Variants in KLF12 observed in about 807,000 individuals in gnomAD.
The protein encoded by KLF12 is KLF transcription factor 12.
KLF12 carries 9 observed loss-of-function variants against 37.8 expected under a neutral mutation model. That is an observed-to-expected ratio of 0.24 (90% confidence interval 0.14 to 0.42). The LOEUF is 0.42. KLF12 is among the 10% of genes least tolerant of loss of function. KLF12 has a pLI of 1.00. For missense variants in KLF12, 411 were observed against 516.0 expected (o/e 0.80, Z 1.97); for synonymous variants, 208 against 202.1 (o/e 1.03, Z -0.25).
chr13:74,175,084 A>G, the KLF12 span, among the ~76,000 whole-genome samples: 1 of 152,210 alleles, frequency 6.6e-6, no homozygotes, highest in South Asian at 2.1e-4. Flanking sequence ...TGCCACCAGT[A>G]CTGCTTTGGG....
At chr13:73,908,401 C>CA (rs200413877) in intron 3 of KLF12, among the ~76,000 whole-genome samples, 1,950 of 129,246 alleles carry the variant, frequency 0.015, 57 homozygotes, top group African/African-American at 0.052. Flanking sequence ...GACTCTGTCT[C>CA]AAAAAAAAAA....
intron 1 of KLF12, among the ~76,000 whole-genome samples, chr13:74,072,737 A>G (rs1235032524): frequency 6.6e-6 from 1 of 152,172 alleles, no homozygotes; most frequent in Non-Finnish European, 1.5e-5. Flanking sequence ...ACATACATAC[A>G]TACAAAAAAT....
intron 3 of KLF12, among the ~76,000 whole-genome samples, chr13:73,924,527 T>C (rs1235733907): frequency 6.6e-6 from 1 of 152,124 alleles, no homozygotes; most frequent in East Asian, 1.9e-4. Context: ...AATGTGTGTG[T>C]TTTGACTGCC....
chr13:73,788,431 C>T (rs1222654116), intron 5 of KLF12, among the ~76,000 whole-genome samples: 1 of 152,006 alleles, frequency 6.6e-6, no homozygotes, highest in African/African-American at 2.4e-5. Flanking sequence ...AAATGATGGC[C>T]TATAGAAAAC....
intron 1 of KLF12, among the ~76,000 whole-genome samples, chr13:74,091,781 A>T (rs926889586): frequency 2.0e-5 from 3 of 152,154 alleles, no homozygotes; most frequent in Non-Finnish European, 4.4e-5. Flanking sequence ...ATGAAAAGCC[A>T]ACACCAAGAG....
chr13:73,947,678 A>G (rs1566477044), intron 2 of KLF12, among the ~76,000 whole-genome samples: 1 of 147,996 alleles, frequency 6.8e-6, no homozygotes, highest in Non-Finnish European at 1.5e-5. Flanking sequence ...AGAGTTGGCA[A>G]CACAGTAGTC....
At chr13:73,717,585 C>G (rs375950984) in intron 6 of KLF12, among the ~76,000 whole-genome samples, 4 of 152,182 alleles carry the variant, frequency 2.6e-5, no homozygotes, top group African/African-American at 9.7e-5. Context: ...TAGGTAAGGT[C>G]AAATATAAAC....
intron 2 of KLF12, among the ~76,000 whole-genome samples, chr13:73,980,459 C>T (rs1389081167): frequency 1.3e-5 from 2 of 152,084 alleles, no homozygotes; most frequent in Non-Finnish European, 1.5e-5. Flanking sequence ...TATTACTAAA[C>T]ATATCCCAGT....
the KLF12 span, among the ~76,000 whole-genome samples, chr13:74,233,987 A>G: frequency 6.6e-6 from 1 of 152,204 alleles, no homozygotes. Flanking sequence ...CAAGTTCTAT[A>G]TGAAGAAAAC....
chr13:73,790,695 C>T (rs1023519428), intron 5 of KLF12, among the ~76,000 whole-genome samples: 3 of 152,204 alleles, frequency 2.0e-5, no homozygotes, highest in South Asian at 2.1e-4. Context: ...GTACCAATTT[C>T]GCTAAGAAAC....
At chr13:73,919,108 C>A (rs1435577832) in intron 3 of KLF12, among the ~76,000 whole-genome samples, 1 of 152,180 alleles carries the variant, frequency 6.6e-6, no homozygotes, top group Non-Finnish European at 1.5e-5. Context: ...CCCAGGAGCA[C>A]TGTCCACATC....
intron 3 of KLF12, among the ~76,000 whole-genome samples, chr13:73,854,567 C>T (rs1324593089): frequency 6.6e-6 from 1 of 152,184 alleles, no homozygotes. Context: ...ATTAGCAAAA[C>T]AATGGCTTTG....
At chr13:74,299,413 C>T in the KLF12 span, among the ~76,000 whole-genome samples, 13 of 152,120 alleles carry the variant, frequency 8.5e-5, no homozygotes, top group African/African-American at 2.9e-4. Context: ...TATTTGCTTA[C>T]TTCATAAATT....
chr13:74,092,516 T>C (rs1347078849), intron 1 of KLF12, among the ~76,000 whole-genome samples: 4 of 150,256 alleles, frequency 2.7e-5, no homozygotes, highest in African/African-American at 9.8e-5. Flanking sequence ...CCCAACTACT[T>C]GGGAGGCTGA....
In KLF12 at chr13:73,687,936, G is replaced by A. The variant is rs1298213209; in HGVS notation, c.*7554C>T. On this transcript the variant is annotated 3_prime_UTR_variant, in exon 8 of 8. Transcript: ENST00000377669. ...CAACTCACTTCAAGTTGTGGTTTTT[G>A]TTGTGGAGAAATTATTGCTTGTGAA... 1 of 152,170 alleles carries A rather than the reference G, an allele frequency of 6.6e-6. No individual in the cohort carries two copies. The highest frequency in any genetic ancestry group is 1.5e-5 in the Non-Finnish European group (1 of 68,034). The allele number at this position is 152,170 out of a possible 1,614,324, so 9.4% of individuals were successfully genotyped here.
At chr13:74,077,521 C>CA (rs1491432670) in intron 1 of KLF12, among the ~76,000 whole-genome samples, 3 of 151,970 alleles carry the variant, frequency 2.0e-5, no homozygotes, top group Non-Finnish European at 1.5e-5. Context: ...GTGAATCACT[C>CA]AGAGTGATGC....
At chr13:74,200,487 G>A in the KLF12 span, among the ~76,000 whole-genome samples, 1 of 152,050 alleles carries the variant, frequency 6.6e-6, no homozygotes, top group Non-Finnish European at 1.5e-5. Context: ...ATTTCGTCTT[G>A]GAAATTTTGT....
At chr13:74,095,561 T>C (rs941893603) in intron 1 of KLF12, among the ~76,000 whole-genome samples, 1 of 151,942 alleles carries the variant, frequency 6.6e-6, no homozygotes, top group Admixed American at 6.6e-5. Context: ...GCTTATTTTG[T>C]GTGTGTACAT....
intron 3 of KLF12, among the ~76,000 whole-genome samples, chr13:73,877,559 T>C (rs949063066): frequency 5.9e-5 from 9 of 152,184 alleles, no homozygotes; most frequent in Non-Finnish European, 1.5e-5. Context: ...ATTTTGAAAA[T>C]ATTATCCCAT....
Sources: gnomAD v4.1 joint callset for allele counts (sites outside exome capture counted in the v4.1 genomes callset) on GRCh38, gnomAD v4.1.1 for gene constraint, MANE v1.5 for transcripts, NCBI Gene and HGNC (gene_info 2026-07-23, HGNC 2026-07-21) for gene names.